RHOT1: variants seen among roughly 807,000 people sequenced by gnomAD.
The protein encoded by RHOT1 is ras homolog family member T1.
In RHOT1, 27 loss-of-function variants were observed where a neutral mutation model predicts 95.3. That is an observed-to-expected ratio of 0.28 (90% CI 0.21 to 0.39). The LOEUF is 0.39. Ranked by LOEUF, RHOT1 falls within the 10% of genes least tolerant of loss-of-function variation. The pLI, the probability that RHOT1 is intolerant of heterozygous loss-of-function variation, is 1.00. For synonymous variants in RHOT1, 227 were observed against 263.5 expected (o/e 0.86, Z 1.34); for missense variants, 578 against 786.7 (o/e 0.73, Z 3.17).
intron 1 of RHOT1, among the ~76,000 whole-genome samples, chr17:32,144,518 C>T (rs899377893): frequency 2.0e-5 from 3 of 151,882 alleles, no homozygotes; most frequent in Non-Finnish European, 4.4e-5. Context: ...GCCTGGGCAG[C>T]AGAGCAAGAC....
chr17:32,200,641 G>A (rs1286577346), intron 13 of RHOT1, among the ~76,000 whole-genome samples: 1 of 152,006 alleles, frequency 6.6e-6, no homozygotes, highest in Non-Finnish European at 1.5e-5. Context: ...AGGCTTGGGG[G>A]CACATGCCTG....
intron 1 of RHOT1, among the ~76,000 whole-genome samples, chr17:32,161,369 A>T (rs2033538048): frequency 6.6e-6 from 1 of 152,188 alleles, no homozygotes; most frequent in African/African-American, 2.4e-5. Context: ...AAAAATATGA[A>T]AAACATCTCA....
intron 3 of RHOT1, 137 bp downstream of exon 3, chr17:32,174,049 C>A: frequency 1.5e-6 from 1 of 665,728 alleles, no homozygotes; most frequent in Non-Finnish European, 2.6e-6. Flanking sequence ...CGATTCTTAT[C>A]TCATTTATGT....
chr17:32,153,456 T>G (rs2032568160), intron 1 of RHOT1, among the ~76,000 whole-genome samples: 1 of 152,084 alleles, frequency 6.6e-6, no homozygotes. Context: ...GCTAGAAGTT[T>G]GAGACCAGTC....
At chr17:32,165,104 GCC>G (rs755787293) in intron 1 of RHOT1, among the ~76,000 whole-genome samples, 8 of 152,106 alleles carry the variant, frequency 5.3e-5, no homozygotes, top group South Asian at 4.1e-4. Context: ...ACTTTGGGAG[GCC>G]AAGGCAGGCG....
chr17:32,214,894 CTTTTTTTT>C (rs551151153), intron 19 of RHOT1, among the ~76,000 whole-genome samples: 8 of 52,816 alleles, frequency 1.5e-4, no homozygotes, highest in Non-Finnish European at 2.5e-4. Context: ...AAAGGCTTGT[CTTTTTTTT>C]TTTTTTTTTT....
intron 1 of RHOT1, among the ~76,000 whole-genome samples, chr17:32,163,242 GA>G (rs770888850): frequency 6.6e-6 from 1 of 152,144 alleles, no homozygotes; most frequent in Non-Finnish European, 1.5e-5. Context: ...TGGAGAAAGG[GA>G]TAGGAAATTT....
intron 1 of RHOT1, among the ~76,000 whole-genome samples, chr17:32,149,692 CACACATATATATACACACAT>C (rs1288529456): frequency 7.0e-6 from 1 of 143,378 alleles, no homozygotes; most frequent in African/African-American, 2.6e-5. Flanking sequence ...CATACACTCA[CACACATATATATACACACAT>C]ACACATATAT....
At chr17:32,183,319 T>C (rs778866332) in intron 8 of RHOT1, 47 bp downstream of exon 8, 1 of 1,059,360 alleles carries the variant, frequency 9.4e-7, no homozygotes, top group Non-Finnish European at 1.3e-6. Flanking sequence ...GTAGTAACTC[T>C]AGTATGGTAG....
rs531765961 is a variant in RHOT1, at chr17:32,160,695, G to C, written c.38-10348G>C. ...CCTGGTCCAGTTGCAGCCTCGCAGG[G>C]AGATGGTGCCCAAGCTGGCATCTGG... On this transcript the variant is annotated intron_variant, in intron 1 of 19. Coordinates refer to ENST00000545287, the MANE Select transcript of RHOT1 (RefSeq NM_001033566.3). Among the ~76,000 whole-genome samples, 85 of 152,324 alleles carry C rather than the reference G, an allele frequency of 5.6e-4. 1 individual carries two copies. The South Asian group carries it at 0.017, about 30-fold the overall frequency.
intron 1 of RHOT1, among the ~76,000 whole-genome samples, chr17:32,166,156 C>T (rs987174443): frequency 6.7e-6 from 1 of 150,140 alleles, no homozygotes; most frequent in African/African-American, 2.5e-5. Flanking sequence ...CCACTGCACT[C>T]CAGCTTGGGT....
At chr17:32,177,374 G>A (rs1308466773) in intron 6 of RHOT1, among the ~76,000 whole-genome samples, 2 of 152,184 alleles carry the variant, frequency 1.3e-5, no homozygotes, top group African/African-American at 4.8e-5. Context: ...ATTGGACAGG[G>A]ATGCCTTGGG....
chr17:32,169,995 CAG>C (rs563579847), intron 1 of RHOT1, among the ~76,000 whole-genome samples: 84 of 151,646 alleles, frequency 5.5e-4, no homozygotes, highest in African/African-American at 1.6e-3. Context: ...CTTGGGCAAT[CAG>C]AGTGGGACCC....
At chr17:32,184,476 AT>A (rs2035881766) in intron 8 of RHOT1, among the ~76,000 whole-genome samples, 2 of 150,658 alleles carry the variant, frequency 1.3e-5, no homozygotes, top group African/African-American at 4.9e-5. Context: ...GGTGGGTTTT[AT>A]TTTTTTTATT....
At chr17:32,176,139 C>T (rs759493913) in intron 5 of RHOT1, 22 bp from the exon 6 acceptor site, 67 of 1,607,570 alleles carry the variant, frequency 4.2e-5, no homozygotes, top group Admixed American at 2.4e-4. Context: ...CATGGCTAAG[C>T]GCTTGTTAAT....
intron 15 of RHOT1, 132 bp downstream of exon 15, chr17:32,203,032 C>A: frequency 1.2e-6 from 1 of 800,844 alleles, no homozygotes. Context: ...CAAGTACAGT[C>A]TAAATGTAAC....
intron 1 of RHOT1, among the ~76,000 whole-genome samples, chr17:32,163,842 G>A (rs559889262): frequency 6.6e-6 from 1 of 152,168 alleles, no homozygotes; most frequent in South Asian, 2.1e-4. Flanking sequence ...GCCATGATCA[G>A]TGGTATCCCC....
At chr17:32,160,611 C>G (rs980449463) in intron 1 of RHOT1, among the ~76,000 whole-genome samples, 2 of 152,202 alleles carry the variant, frequency 1.3e-5, no homozygotes, top group African/African-American at 4.8e-5. Flanking sequence ...CTGGAGTCGC[C>G]AAGCTTCCGG....
intron 18 of RHOT1, chr17:32,209,254 G>T: frequency 3.6e-6 from 2 of 549,900 alleles, no homozygotes; most frequent in African/African-American, 2.0e-5. Context: ...ATTTCTATTT[G>T]TATTCGAAGA....
Sources: allele counts gnomAD v4.1 joint callset (sites outside exome capture counted in the v4.1 genomes callset), GRCh38; gene constraint gnomAD v4.1.1; transcripts MANE v1.5; gene names NCBI Gene and HGNC (gene_info 2026-07-23, HGNC 2026-07-21).